The following OAS2 variants were observed in gnomAD, a reference collection of about 807,000 sequenced individuals.
OAS2 encodes 2'-5'-oligoadenylate synthase 2.
Under a neutral mutation model 71.3 loss-of-function variants are expected in OAS2, and 67 were observed. That is an observed-to-expected ratio of 0.94 (90% CI 0.77 to 1.15). The LOEUF (loss-of-function observed/expected upper bound fraction) is 1.15. Among genes scored for constraint, OAS2 ranks in the 50% most tolerant of loss-of-function variants. The probability of loss-of-function intolerance (pLI) is 0.00; values close to 1 mark genes in which losing one functional copy is unlikely to be tolerated. For missense variants in OAS2, 789 were observed against 822.5 expected (o/e 0.96, Z 0.50); for synonymous variants, 327 against 321.8 (o/e 1.02, Z -0.17).
Position 112,998,416 on chromosome 12 carries a change from AG to A in OAS2, c.1008+9del. ...CACCATCTTGGAATGTTCTGGTAAGAGGGTTTTCCAAATACAGGGTGTTTCA... is the reference window on the plus strand; with the variant it reads ...CACCATCTTGGAATGTTCTGGTAAGAGGTTTTCCAAATACAGGGTGTTTCA... On this transcript the variant is annotated splice_region_variant and intron_variant, in intron 5 of 9. Coordinates refer to ENST00000392583, the MANE Select transcript of OAS2 (RefSeq NM_002535.3). 6.2e-7 allele frequency: 1 copy of A among 1,606,130 alleles called. No individual in the cohort carries two copies. The highest frequency in any genetic ancestry group is 1.7e-5 in the Admixed American group (1 of 57,810).
At chr12:113,004,312 A>C (rs1468279495) in intron 6 of OAS2, among the ~76,000 whole-genome samples, 1 of 152,244 alleles carries the variant, frequency 6.6e-6, no homozygotes, top group Non-Finnish European at 1.5e-5. Context: ...CCATGTAATC[A>C]GGCATTTAAT....
At chr12:113,007,988 G>C (rs773208149) in intron 9 of OAS2, 45 bp downstream of exon 9, 8 of 1,379,306 alleles carry the variant, frequency 5.8e-6, no homozygotes, top group Non-Finnish European at 8.3e-6. Flanking sequence ...TGATTCCCTT[G>C]AACACTGTCT....
At chr12:113,003,459 C>T (rs2044306754) in intron 6 of OAS2, among the ~76,000 whole-genome samples, 2 of 152,166 alleles carry the variant, frequency 1.3e-5, no homozygotes, top group Non-Finnish European at 2.9e-5. Flanking sequence ...GGATTTAGGG[C>T]CCAGCCTGAT....
intron 2 of OAS2, among the ~76,000 whole-genome samples, chr12:112,994,550 T>C (rs552571247): frequency 6.6e-6 from 1 of 152,206 alleles, no homozygotes; most frequent in East Asian, 1.9e-4. Flanking sequence ...GCCTCCTGAG[T>C]AGCTGGGATT....
intron 8 of OAS2, 86 bp downstream of exon 8, chr12:113,006,686 A>C: frequency 2.5e-6 from 3 of 1,217,308 alleles, no homozygotes; most frequent in Non-Finnish European, 3.4e-6. Context: ...ACAATCTCCC[A>C]TGCTGAGGGC....
Position 112,978,804 on chromosome 12 carries a change from T to C in OAS2, c.177+19T>C, listed in dbSNP as rs182245386. 78 of 1,589,938 alleles carry C rather than the reference T, an allele frequency of 4.9e-5. 2 individuals carry two copies. Among genetic ancestry groups the C allele is most frequent in the African/African-American group, 2.7e-4 (20 of 74,042 alleles). On this transcript the variant is annotated intron_variant, in intron 1 of 9. Transcript: ENST00000392583. The surrounding 1 kb of genome is among the most constrained non-coding windows in gnomAD (Gnocchi z 4.2). ...GGCCATAGTGAGTCCAGGGCTGAGG[T>C]TGGGTCTCTGGGAGGCAGGAGATTC...
Position 113,009,550 on chromosome 12 carries a change from T to A in OAS2, c.*295T>A. On this transcript the variant is annotated 3_prime_UTR_variant, in exon 10 of 10. Transcript: ENST00000392583. The stretch of plus-strand genomic sequence containing the variant: ...GACATTGTCAAACGTTCCCCTGGGT[T>A]CACAGATCTTTCTGCCTTTGGCTTT... 1 of 1,084,028 alleles carries A rather than the reference T, an allele frequency of 9.2e-7. No individual in the cohort carries two copies. The highest frequency in any genetic ancestry group is 1.1e-6 in the Non-Finnish European group (1 of 894,048). 67.2% of individuals were successfully genotyped at this position (1,084,028 alleles called of 1,614,324 possible). A position where few individuals can be genotyped will look rare whatever the true frequency, so the allele number is the denominator to read the frequency against.
At chr12:113,000,415 T>G (rs2044272301) in intron 5 of OAS2, among the ~76,000 whole-genome samples, 1 of 151,980 alleles carries the variant, frequency 6.6e-6, no homozygotes, top group Non-Finnish European at 1.5e-5. Flanking sequence ...CTGCAGTTGT[T>G]GAAGAAAATT....
At chr12:112,980,405 C>T (rs1342144299) in intron 1 of OAS2, among the ~76,000 whole-genome samples, 2 of 152,198 alleles carry the variant, frequency 1.3e-5, no homozygotes, top group Non-Finnish European at 2.9e-5. Context: ...ATTTCCTCCT[C>T]TACTTCCCAG....
rs1327828724 is a variant in OAS2, at chr12:113,010,013, C to T, written c.*758C>T. The stretch of plus-strand genomic sequence containing the variant: ...CTAGACAGTTCTTTGTTTGGAGGCT[C>T]TCTTGTGCATTGTAGGATGTTGAGC... On this transcript the variant is annotated 3_prime_UTR_variant, in exon 10 of 10. Coordinates refer to ENST00000392583, the MANE Select transcript of OAS2 (RefSeq NM_002535.3). 6.2e-6 allele frequency: 6 copies of T among 972,136 alleles called. No homozygotes were observed. In the South Asian group the frequency reaches 1.9e-4, roughly 31 times the overall value. 60.2% of individuals were successfully genotyped at this position (972,136 alleles called of 1,614,324 possible). A position where few individuals can be genotyped will look rare whatever the true frequency, so the allele number is the denominator to read the frequency against.
At chr12:113,006,658 C>T (rs1367697257) in intron 8 of OAS2, 58 bp downstream of exon 8, 1 of 1,407,788 alleles carries the variant, frequency 7.1e-7, no homozygotes, top group African/African-American at 1.4e-5. Flanking sequence ...AAGCCATGAA[C>T]ATTAAGCCCT....
chr12:112,986,801 G>A (rs1251784055), intron 1 of OAS2, among the ~76,000 whole-genome samples: 1 of 152,188 alleles, frequency 6.6e-6, no homozygotes, highest in East Asian at 1.9e-4. Flanking sequence ...TGGCAGGTGG[G>A]GCAGTTCAAT....
chr12:113,001,839 A>G (rs1392593473), intron 5 of OAS2, among the ~76,000 whole-genome samples: 2 of 140,674 alleles, frequency 1.4e-5, no homozygotes, highest in East Asian at 4.1e-4. Context: ...CAGCCTGGGG[A>G]ACCTAGTGAG....
rs2044362777 is a variant in OAS2 at position 113,009,542 on chromosome 12, C to T, written c.*287C>T. 9.1e-7 allele frequency: 1 copy of T among 1,095,866 alleles called. No individual in the cohort carries two copies. Among genetic ancestry groups the T allele is most frequent in the Non-Finnish European group, 1.1e-6 (1 of 901,820 alleles). 67.9% of individuals were successfully genotyped at this position (1,095,866 alleles called of 1,614,324 possible). A position where few individuals can be genotyped will look rare whatever the true frequency, so the allele number is the denominator to read the frequency against. On this transcript the variant is annotated 3_prime_UTR_variant, in exon 10 of 10. Transcript: ENST00000392583. The stretch of plus-strand genomic sequence containing the variant: ...AGTCTTCAGACATTGTCAAACGTTC[C>T]CCTGGGTTCACAGATCTTTCTGCCT...
intron 9 of OAS2, 90 bp from the exon 10 acceptor site, chr12:113,008,997 T>A (rs1450474487): frequency 6.5e-7 from 1 of 1,530,090 alleles, no homozygotes; most frequent in African/African-American, 1.4e-5. Flanking sequence ...GAACACATTG[T>A]CTTATTGCTG....
At chr12:112,988,743 C>A in intron 2 of OAS2, 1 of 984,928 alleles carries the variant, frequency 1.0e-6, no homozygotes, top group Non-Finnish European at 1.2e-6. Flanking sequence ...CCTCCTTCTC[C>A]TTTCTGAGGA....
intron 2 of OAS2, among the ~76,000 whole-genome samples, chr12:112,990,641 G>T (rs2044182955): frequency 6.6e-6 from 1 of 152,232 alleles, no homozygotes; most frequent in Non-Finnish European, 1.5e-5. Flanking sequence ...ACACAGCTTT[G>T]CAGGGCCATT....
At chr12:113,001,419 C>A (rs58593645) in intron 5 of OAS2, among the ~76,000 whole-genome samples, 3 of 149,282 alleles carry the variant, frequency 2.0e-5, no homozygotes, top group Non-Finnish European at 4.4e-5. Context: ...CATATATACA[C>A]ATATATGCAC....
intron 1 of OAS2, among the ~76,000 whole-genome samples, chr12:112,984,891 C>A (rs1397036192): frequency 6.6e-6 from 1 of 152,016 alleles, no homozygotes; most frequent in East Asian, 1.9e-4. Flanking sequence ...GACTTTGTTT[C>A]TCCTTCATTT....
Sources: allele counts gnomAD v4.1 joint callset (sites outside exome capture counted in the v4.1 genomes callset), GRCh38; gene constraint gnomAD v4.1.1; non-coding constraint Gnocchi (gnomAD v3.1); transcripts MANE v1.5; gene names NCBI Gene and HGNC (gene_info 2026-07-23, HGNC 2026-07-21).